Variants in POFUT3 observed in about 807,000 individuals in gnomAD.
POFUT3 encodes GDP-fucose protein O-fucosyltransferase 3.
the POFUT3 span, among the ~76,000 whole-genome samples, chr8:33,427,995 C>T: frequency 3.3e-5 from 5 of 152,114 alleles, no homozygotes; most frequent in African/African-American, 4.8e-5. Context: ...CATGGTGGCG[C>T]ATGCCTGTAA....
At chr8:33,345,398 CTTTTTT>C in the POFUT3 span, among the ~76,000 whole-genome samples, 2 of 122,478 alleles carry the variant, frequency 1.6e-5, no homozygotes, top group Non-Finnish European at 1.7e-5. Flanking sequence ...GTATATTTTA[CTTTTTT>C]TTTTTTTTTT....
At chr8:33,459,570 G>A in the POFUT3 span, among the ~76,000 whole-genome samples, 1 of 151,462 alleles carries the variant, frequency 6.6e-6, no homozygotes, top group Non-Finnish European at 1.5e-5. Flanking sequence ...TTGAGCCTGG[G>A]AGGTAGAAGT....
the POFUT3 span, among the ~76,000 whole-genome samples, chr8:33,465,106 T>C: frequency 1.3e-5 from 2 of 152,202 alleles, no homozygotes; most frequent in East Asian, 1.9e-4. Context: ...AAATGTTAAC[T>C]ATCACTATTT....
the POFUT3 span, among the ~76,000 whole-genome samples, chr8:33,315,058 A>G: frequency 6.6e-6 from 1 of 152,202 alleles, no homozygotes; most frequent in Non-Finnish European, 1.5e-5. Flanking sequence ...CTGCACATTT[A>G]CTTTTCAAAG....
At chr8:33,357,121 G>T in the POFUT3 span, among the ~76,000 whole-genome samples, 7 of 151,904 alleles carry the variant, frequency 4.6e-5, no homozygotes, top group African/African-American at 1.7e-4. Flanking sequence ...CTCCAGCTTT[G>T]TTCTTTTGGC....
At chr8:33,391,378 A>G in the POFUT3 span, among the ~76,000 whole-genome samples, 1 of 152,252 alleles carries the variant, frequency 6.6e-6, no homozygotes, top group Non-Finnish European at 1.5e-5. Context: ...GTACTAACGT[A>G]AAAATGGGCT....
the POFUT3 span, among the ~76,000 whole-genome samples, chr8:33,336,469 T>C: frequency 6.7e-4 from 102 of 152,360 alleles, no homozygotes; most frequent in Non-Finnish European, 1.6e-4. Context: ...TTTAATTTTT[T>C]AATAGTGGCT....
chr8:33,447,240 G>C, the POFUT3 span, among the ~76,000 whole-genome samples: 1 of 152,128 alleles, frequency 6.6e-6, no homozygotes, highest in South Asian at 2.1e-4. Context: ...ACGAGGTCAG[G>C]AGATCGAGAC....
chr8:33,349,856 C>T, the POFUT3 span, among the ~76,000 whole-genome samples: 6 of 152,162 alleles, frequency 3.9e-5, no homozygotes, highest in Admixed American at 1.3e-4. Context: ...AAGGAATCTC[C>T]GTGCTGTTTT....
chr8:33,340,940 A>G, the POFUT3 span, among the ~76,000 whole-genome samples: 2 of 152,208 alleles, frequency 1.3e-5, no homozygotes, highest in Admixed American at 6.5e-5. Flanking sequence ...AACCAACAGA[A>G]TCTAATCAAT....
chr8:33,469,260 C>T, the POFUT3 span, among the ~76,000 whole-genome samples: 21 of 152,220 alleles, frequency 1.4e-4, no homozygotes, highest in Admixed American at 9.2e-4. Flanking sequence ...GAGCCGAGAT[C>T]GCGCCACTGC....
the POFUT3 span, chr8:33,455,994 A>G: frequency 2.8e-6 from 1 of 357,538 alleles, no homozygotes; most frequent in Non-Finnish European, 5.5e-6. Flanking sequence ...GGATCACCTG[A>G]GACGCCAAAG....
At chr8:33,465,076 G>A in the POFUT3 span, among the ~76,000 whole-genome samples, 1 of 152,054 alleles carries the variant, frequency 6.6e-6, no homozygotes, top group Admixed American at 6.6e-5. Context: ...CTAAGCCTCA[G>A]CTTCTTCATA....
At chr8:33,462,178 G>GGAGGGGACA in the POFUT3 span, among the ~76,000 whole-genome samples, 463 of 147,868 alleles carry the variant, frequency 3.1e-3, no homozygotes, top group Non-Finnish European at 3.9e-3. Flanking sequence ...GGACCAGAGT[G>GGAGGGGACA]GTGAATTGAC....
chr8:33,357,514 ATG>A, the POFUT3 span, among the ~76,000 whole-genome samples: 6,275 of 148,982 alleles, frequency 0.042, 388 homozygotes, highest in African/African-American at 0.14. Flanking sequence ...ATATATATGT[ATG>A]TGTGTGTGTG....
At chr8:33,442,873 T>C in the POFUT3 span, among the ~76,000 whole-genome samples, 1 of 152,232 alleles carries the variant, frequency 6.6e-6, no homozygotes, top group Non-Finnish European at 1.5e-5. Flanking sequence ...AAGGTTTTGC[T>C]AGATTTAGTT....
At chr8:33,321,894 C>A in the POFUT3 span, among the ~76,000 whole-genome samples, 8 of 152,214 alleles carry the variant, frequency 5.3e-5, no homozygotes, top group East Asian at 1.5e-3. Context: ...ATATAATAAG[C>A]ACCCATATCA....
the POFUT3 span, among the ~76,000 whole-genome samples, chr8:33,327,991 T>A: frequency 6.6e-6 from 1 of 152,178 alleles, no homozygotes. Context: ...CAGAGGCCAC[T>A]CAATAGGGCA....
At chr8:33,453,333 A>C in the POFUT3 span, 1 of 1,614,190 alleles carries the variant, frequency 6.2e-7, no homozygotes, top group Non-Finnish European at 8.5e-7. Flanking sequence ...AGCGGGGACC[A>C]CCAGAGCATA....
Sources: gnomAD v4.1 joint callset for allele counts (sites outside exome capture counted in the v4.1 genomes callset) on GRCh38, gnomAD v4.1.1 for gene constraint, MANE v1.5 for transcripts, NCBI Gene and HGNC (gene_info 2026-07-23, HGNC 2026-07-21) for gene names.